The following GRIK2 variants were observed in gnomAD, a reference collection of about 807,000 sequenced individuals.
GRIK2 encodes glutamate ionotropic receptor kainate type subunit 2.
Under a neutral mutation model 100.3 loss-of-function variants are expected in GRIK2, and 32 were observed. That is an observed-to-expected ratio of 0.32 (90% CI 0.24 to 0.43). The LOEUF is 0.43. Among genes scored for constraint, GRIK2 ranks in the 20% least tolerant of loss-of-function variants. GRIK2 has a pLI of 1.00. For missense variants in GRIK2, 843 were observed against 1,114.9 expected, an observed-to-expected ratio of 0.76 and a Z score of 3.47; for synonymous variants, 417 against 389.4, an observed-to-expected ratio of 1.07 and a Z score of -0.83.
chr6:101,664,174 TC>T (rs1769841008), intron 4 of GRIK2, among the ~76,000 whole-genome samples: 2 of 152,180 alleles, frequency 1.3e-5, no homozygotes, highest in Non-Finnish European at 2.9e-5. Context: ...ACCAAGATAG[TC>T]CTGACAAATA....
intron 6 of GRIK2, among the ~76,000 whole-genome samples, chr6:101,685,887 G>C (rs1172961777): frequency 6.6e-6 from 1 of 152,108 alleles, no homozygotes; most frequent in Non-Finnish European, 1.5e-5. Flanking sequence ...ATCCTAAACA[G>C]AGAGAAGAAA....
At chr6:101,729,039 C>T (rs1238964144) in intron 7 of GRIK2, among the ~76,000 whole-genome samples, 1 of 151,982 alleles carries the variant, frequency 6.6e-6, no homozygotes, top group Non-Finnish European at 1.5e-5. Context: ...CTCTTCCAAC[C>T]ACAGAACACT....
intron 14 of GRIK2, among the ~76,000 whole-genome samples, chr6:102,022,927 T>A (rs1463185789): frequency 6.6e-6 from 1 of 151,302 alleles, no homozygotes; most frequent in Non-Finnish European, 1.5e-5. Context: ...AAAGTAAGAG[T>A]TGATATGATC....
At chr6:101,802,933 T>C (rs1215277721) in intron 9 of GRIK2, among the ~76,000 whole-genome samples, 1 of 151,878 alleles carries the variant, frequency 6.6e-6, no homozygotes, top group Non-Finnish European at 1.5e-5. Context: ...CCACACTGGA[T>C]CTATCTTACT....
chr6:101,885,996 G>A (rs540508302), intron 11 of GRIK2, among the ~76,000 whole-genome samples: 3 of 152,184 alleles, frequency 2.0e-5, no homozygotes, highest in Admixed American at 6.5e-5. Context: ...TGCATAATGT[G>A]TATCCACCAT....
intron 7 of GRIK2, among the ~76,000 whole-genome samples, chr6:101,766,088 G>A (rs917661804): frequency 6.6e-6 from 1 of 152,148 alleles, no homozygotes; most frequent in Non-Finnish European, 1.5e-5. Flanking sequence ...TCAAGCTAAA[G>A]CATTCTCTAA....
At chr6:101,837,714 GA>G (rs1471621193) in intron 10 of GRIK2, among the ~76,000 whole-genome samples, 4 of 152,124 alleles carry the variant, frequency 2.6e-5, no homozygotes, top group Admixed American at 6.5e-5. Context: ...AGGACAAAAA[GA>G]ATGGGTAGTT....
rs183398521 is a variant in GRIK2 at position 101,897,812 on chromosome 6, G to A, written c.1748+7949G>A. Among the ~76,000 whole-genome samples, 19 of 151,880 alleles carry A rather than the reference G, an allele frequency of 1.3e-4. No homozygotes were observed. The East Asian group carries it at 3.7e-3, about 29-fold the overall frequency. On this transcript the variant is annotated intron_variant, in intron 12 of 16. Coordinates refer to ENST00000369134, the MANE Select transcript of GRIK2 (RefSeq NM_021956.5). The stretch of plus-strand genomic sequence containing the variant: ...GTGCTCATAAAAAGGCAATTGTCTT[G>A]AGAAATGTAGAAAAATAGGTCAGTA...
intron 2 of GRIK2, among the ~76,000 whole-genome samples, chr6:101,587,977 T>G (rs1221392817): frequency 6.6e-6 from 1 of 151,988 alleles, no homozygotes; most frequent in Non-Finnish European, 1.5e-5. Flanking sequence ...AATTAATGGC[T>G]CAAAAATAAC....
At chr6:102,003,982 T>C (rs1795080013) in intron 14 of GRIK2, among the ~76,000 whole-genome samples, 1 of 151,616 alleles carries the variant, frequency 6.6e-6, no homozygotes, top group Non-Finnish European at 1.5e-5. Flanking sequence ...TCTCTCTTAT[T>C]AATTCCATCT....
chr6:101,666,160 T>A (rs573798814), intron 4 of GRIK2, among the ~76,000 whole-genome samples: 2 of 152,166 alleles, frequency 1.3e-5, no homozygotes, highest in African/African-American at 4.8e-5. Context: ...AAAGCTGTTA[T>A]ACTCATGGAT....
intron 11 of GRIK2, among the ~76,000 whole-genome samples, chr6:101,861,066 A>G (rs1303260214): frequency 2.6e-5 from 4 of 152,216 alleles, no homozygotes; most frequent in African/African-American, 9.6e-5. Flanking sequence ...TAATTCTTCA[A>G]CTATGCAGTT....
intron 10 of GRIK2, among the ~76,000 whole-genome samples, chr6:101,828,623 C>A (rs1782484716): frequency 6.6e-6 from 1 of 151,822 alleles, no homozygotes; most frequent in African/African-American, 2.4e-5. Context: ...ACAAAAGATC[C>A]TGAGACTACT....
intron 14 of GRIK2, among the ~76,000 whole-genome samples, chr6:102,014,075 T>C (rs971651476): frequency 6.6e-6 from 1 of 152,192 alleles, no homozygotes; most frequent in Non-Finnish European, 1.5e-5. Context: ...TGTTTTTTGG[T>C]TGACAGGCTA....
At chr6:101,494,762 C>G (rs1773335806) in intron 2 of GRIK2, among the ~76,000 whole-genome samples, 4 of 150,726 alleles carry the variant, frequency 2.7e-5, no homozygotes, top group Admixed American at 2.6e-4. Context: ...GAAACCCTGT[C>G]GCTACTAAAA....
rs530936926 is a variant in GRIK2 at position 102,016,524 on chromosome 6, TATAATA to T, written c.2086-18807_2086-18802del. Among the ~76,000 whole-genome samples the T allele has an allele frequency of 5.7e-3, 839 of 146,906 alleles. 7 individuals are homozygous for T. The highest frequency in any genetic ancestry group is 0.02 in the African/African-American group (803 of 40,132). On this transcript the variant is annotated intron_variant, in intron 14 of 16. Coordinates refer to ENST00000369134, the MANE Select transcript of GRIK2 (RefSeq NM_021956.5). The stretch of plus-strand genomic sequence containing the variant: ...TGCACATGTACCCTAAAACTTAAAG[TATAATA>T]ATAATAATACAAAAAAAATAAATAA...
intron 2 of GRIK2, among the ~76,000 whole-genome samples, chr6:101,501,926 T>C (rs905603310): frequency 6.6e-6 from 1 of 152,038 alleles, no homozygotes. Flanking sequence ...CCCTGCTAAT[T>C]TTGTGTTTTT....
rs145446428 is a variant in GRIK2, at chr6:101,667,716, G to A, written c.542-8907G>A. Among the ~76,000 whole-genome samples, 85 of 152,218 alleles carry A rather than the reference G, an allele frequency of 5.6e-4. No individual in the cohort carries two copies. In the East Asian group the frequency reaches 0.011, roughly 20 times the overall value. On this transcript the variant is annotated intron_variant, in intron 4 of 16. Coordinates refer to ENST00000369134, the MANE Select transcript of GRIK2 (RefSeq NM_021956.5). ...ATTATTATGATTTTTGTTACAAAGC[G>A]TGGAAGGGCTTTGCCATTAATAAAA...
At chr6:101,903,403 T>C (rs974032737) in intron 12 of GRIK2, among the ~76,000 whole-genome samples, 1 of 151,846 alleles carries the variant, frequency 6.6e-6, no homozygotes, top group Non-Finnish European at 1.5e-5. Context: ...TGAAATTTTC[T>C]TTTTCCTTCA....
Sources: gnomAD v4.1 joint callset for allele counts (sites outside exome capture counted in the v4.1 genomes callset) on GRCh38, gnomAD v4.1.1 for gene constraint, MANE v1.5 for transcripts, NCBI Gene and HGNC (gene_info 2026-07-23, HGNC 2026-07-21) for gene names.